The following PHF20 variants were observed in gnomAD, a reference collection of about 807,000 sequenced individuals.
PHF20 encodes the protein PHD finger protein 20.
PHF20 carries 23 observed loss-of-function variants against 113.5 expected under a neutral mutation model. The ratio of observed to expected loss-of-function variants is 0.20; its 90% CI spans 0.15 to 0.29. The LOEUF is 0.29. Ranked by LOEUF, PHF20 falls within the 10% of genes least tolerant of loss-of-function variation. The pLI is 1.00. For synonymous variants in PHF20, 434 were observed against 457.3 expected (o/e 0.95, Z 0.65); for missense variants, 943 against 1,219.6 (o/e 0.77, Z 3.38).
intron 2 of PHF20, among the ~76,000 whole-genome samples, chr20:35,804,811 C>A (rs752141048): frequency 6.6e-6 from 1 of 152,024 alleles, no homozygotes; most frequent in Non-Finnish European, 1.5e-5. Flanking sequence ...GGCTTTTGAC[C>A]ACAACCTACA....
At chr20:35,810,033 G>A (rs888072822) in intron 2 of PHF20, among the ~76,000 whole-genome samples, 2 of 151,866 alleles carry the variant, frequency 1.3e-5, no homozygotes, top group South Asian at 2.1e-4. Flanking sequence ...GAGTTCAAGC[G>A]ATTCTTCTGC....
chr20:35,791,891 G>A (rs2041563706), intron 1 of PHF20, among the ~76,000 whole-genome samples: 1 of 152,034 alleles, frequency 6.6e-6, no homozygotes, highest in African/African-American at 2.4e-5. Flanking sequence ...ATTTGATGGG[G>A]ACAAAAGGAG....
intron 9 of PHF20, among the ~76,000 whole-genome samples, chr20:35,898,155 G>A (rs775222224): frequency 4.6e-5 from 7 of 152,164 alleles, no homozygotes; most frequent in Non-Finnish European, 8.8e-5. Flanking sequence ...GATTACAGGC[G>A]TGAGCCACTG....
rs570173504 is a variant in PHF20 at position 35,793,716 on chromosome 20, C to T, written c.-32-7775C>T. On this transcript the variant is annotated intron_variant, in intron 1 of 17. Transcript: ENST00000374012. Reference sequence around the variant, plus strand: ...CTGTCAGAAATGATCTTTATATGCTCGCATGGCGCAGTGGCTCATGCCTGT... The same window carrying T: ...CTGTCAGAAATGATCTTTATATGCTTGCATGGCGCAGTGGCTCATGCCTGT... Among the ~76,000 whole-genome samples the T allele has an allele frequency of 9.2e-5, 14 of 151,408 alleles. 1 individual carries two copies. Among genetic ancestry groups the T allele is most frequent in the Admixed American group, 8.0e-4 (12 of 15,090 alleles).
In PHF20 at chr20:35,808,560, C is replaced by T. The variant is rs58073116; in HGVS notation, c.83+6955C>T. 9.6e-3 allele frequency among the ~76,000 whole-genome samples: 1,453 copies of T among 151,264 alleles called. 14 individuals are homozygous for T. Among genetic ancestry groups the T allele is most frequent in the East Asian group, 0.04 (205 of 5,130 alleles). The stretch of plus-strand genomic sequence containing the variant: ...CATGCGTATTTTCCCCTTTAATCTT[C>T]ATTTATTTATTTATTTTTATTTTTA... On this transcript the variant is annotated intron_variant, in intron 2 of 17. Transcript: ENST00000374012.
chr20:35,809,494 G>A (rs1207556301), intron 2 of PHF20, among the ~76,000 whole-genome samples: 1 of 151,302 alleles, frequency 6.6e-6, no homozygotes, highest in African/African-American at 2.4e-5. Flanking sequence ...CAGGAGAATC[G>A]TTTGAACCTG....
At chr20:35,934,084 G>T (rs998411706) in intron 15 of PHF20, among the ~76,000 whole-genome samples, 1 of 152,370 alleles carries the variant, frequency 6.6e-6, no homozygotes, top group Non-Finnish European at 1.5e-5. Flanking sequence ...CTAGTGCGAT[G>T]AGTGAGTTAA....
chr20:35,792,487 C>T (rs991693554), intron 1 of PHF20, among the ~76,000 whole-genome samples: 1 of 152,058 alleles, frequency 6.6e-6, no homozygotes, highest in African/African-American at 2.4e-5. Context: ...CCGTGCCTGG[C>T]TTCTTCCCTC....
intron 4 of PHF20, among the ~76,000 whole-genome samples, chr20:35,852,371 A>G (rs2425167): frequency 0.011 from 1,690 of 152,282 alleles, 33 homozygotes; most frequent in African/African-American, 0.039. Context: ...GTCTGGTCCC[A>G]GCTCCTGCTC....
intron 2 of PHF20, among the ~76,000 whole-genome samples, chr20:35,806,001 A>G (rs894608668): frequency 1.3e-5 from 2 of 151,776 alleles, no homozygotes; most frequent in African/African-American, 4.8e-5. Context: ...AGTAACTGGG[A>G]TTACAGGCGC....
At chr20:35,781,400 C>T (rs1191640762) in intron 1 of PHF20, among the ~76,000 whole-genome samples, 1 of 152,044 alleles carries the variant, frequency 6.6e-6, no homozygotes, top group Non-Finnish European at 1.5e-5. Flanking sequence ...GGATTACAGG[C>T]GTGAGCCACT....
intron 2 of PHF20, among the ~76,000 whole-genome samples, chr20:35,826,398 C>T (rs1207431530): frequency 6.6e-6 from 1 of 152,142 alleles, no homozygotes; most frequent in Non-Finnish European, 1.5e-5. Context: ...TCTCTAGCCA[C>T]ATTTAGCTGT....
intron 17 of PHF20, among the ~76,000 whole-genome samples, chr20:35,945,062 A>C (rs1458209382): frequency 6.6e-6 from 1 of 152,090 alleles, no homozygotes; most frequent in Non-Finnish European, 1.5e-5. Flanking sequence ...CTTATTTCCA[A>C]GTCCTTGTAC....
intron 2 of PHF20, among the ~76,000 whole-genome samples, chr20:35,813,941 A>G (rs2042021627): frequency 6.7e-6 from 1 of 149,802 alleles, no homozygotes; most frequent in Non-Finnish European, 1.5e-5. Context: ...CAGAAAAAAA[A>G]AAAAAAAAAA....
intron 2 of PHF20, among the ~76,000 whole-genome samples, chr20:35,805,354 T>TTTATTA (rs3056929): frequency 0.093 from 11,612 of 125,020 alleles, 609 homozygotes; most frequent in African/African-American, 0.13. Flanking sequence ...CGCCTGATTT[T>TTTATTA]TTATTATTAT....
At chr20:35,912,008 G>A (rs1247413061) in intron 10 of PHF20, among the ~76,000 whole-genome samples, 1 of 138,726 alleles carries the variant, frequency 7.2e-6, no homozygotes, top group African/African-American at 2.7e-5. Flanking sequence ...TTGAGATGGA[G>A]TCTCGCTCTG....
intron 7 of PHF20, 90 bp downstream of exon 7, chr20:35,869,641 G>A (rs1412215415): frequency 4.0e-6 from 3 of 753,140 alleles, no homozygotes; most frequent in Admixed American, 2.2e-5. Context: ...ATTCCCTATA[G>A]GCTCTAATGT....
intron 15 of PHF20, among the ~76,000 whole-genome samples, chr20:35,933,606 C>T (rs1475637728): frequency 6.6e-6 from 1 of 152,082 alleles, no homozygotes; most frequent in African/African-American, 2.4e-5. Flanking sequence ...ACCGTGTTAG[C>T]CAGGATGGTC....
At chr20:35,850,122 A>G (rs982404415) in intron 4 of PHF20, among the ~76,000 whole-genome samples, 1 of 152,106 alleles carries the variant, frequency 6.6e-6, no homozygotes. Context: ...AGTGGAGATT[A>G]AGCATTATTT....
Sources: gnomAD v4.1 joint callset for allele counts (sites outside exome capture counted in the v4.1 genomes callset) on GRCh38, gnomAD v4.1.1 for gene constraint, MANE v1.5 for transcripts, NCBI Gene and HGNC (gene_info 2026-07-23, HGNC 2026-07-21) for gene names.